WDR72: variants seen among roughly 807,000 people sequenced by gnomAD.
WDR72 encodes WD repeat-containing protein 72.
A neutral mutation model predicts 124.2 loss-of-function variants in WDR72; 120 were observed. That is an observed-to-expected ratio of 0.97 (90% CI 0.83 to 1.12). The LOEUF (loss-of-function observed/expected upper bound fraction) is 1.12. Among genes scored for constraint, WDR72 ranks in the 50% most tolerant of loss-of-function variants. The probability of loss-of-function intolerance (pLI) is 0.00; values close to 1 mark genes in which losing one functional copy is unlikely to be tolerated. For missense variants in WDR72, 1,387 were observed against 1,278.8 expected (o/e 1.08, Z -1.29); for synonymous variants, 452 against 441.7 (o/e 1.02, Z -0.29).
chr15:53,547,555 G>C (rs1016257016), intron 18 of WDR72, among the ~76,000 whole-genome samples: 1 of 152,188 alleles, frequency 6.6e-6, no homozygotes, highest in Non-Finnish European at 1.5e-5. Flanking sequence ...CTCAGTGGTT[G>C]TAAGAGCTAA....
chr15:53,629,836 T>A (rs2014353329), intron 14 of WDR72, among the ~76,000 whole-genome samples: 1 of 152,128 alleles, frequency 6.6e-6, no homozygotes. Context: ...AGCCACTGGA[T>A]CAGGCATATA....
intron 1 of WDR72, among the ~76,000 whole-genome samples, chr15:53,746,602 A>G (rs1185201472): frequency 6.6e-6 from 1 of 152,208 alleles, no homozygotes; most frequent in Non-Finnish European, 1.5e-5. Context: ...TGTGAATCCC[A>G]TCTCTTAAGT....
At chr15:53,594,088 A>G (rs1367599191) in intron 18 of WDR72, among the ~76,000 whole-genome samples, 1 of 152,046 alleles carries the variant, frequency 6.6e-6, no homozygotes, top group Non-Finnish European at 1.5e-5. Context: ...GGTGAGCTAA[A>G]TTTCATAAGA....
chr15:53,664,753 A>G (rs925292636), intron 14 of WDR72, among the ~76,000 whole-genome samples: 1 of 152,176 alleles, frequency 6.6e-6, no homozygotes, highest in Non-Finnish European at 1.5e-5. Context: ...AGTGAAACAT[A>G]AAAACCAAGC....
chr15:53,630,042 T>C (rs962606061), intron 14 of WDR72, among the ~76,000 whole-genome samples: 2 of 151,886 alleles, frequency 1.3e-5, no homozygotes, highest in African/African-American at 4.8e-5. Flanking sequence ...TCATCACTGA[T>C]CTTACAAAAG....
At chr15:53,523,009 C>A (rs933617681) in intron 19 of WDR72, among the ~76,000 whole-genome samples, 1 of 151,940 alleles carries the variant, frequency 6.6e-6, no homozygotes, top group African/African-American at 2.4e-5. Flanking sequence ...AGTCATAAAG[C>A]CTTTGTACTT....
At chr15:53,523,109 C>T in intron 19 of WDR72, 109 bp downstream of exon 19, 1 of 1,004,278 alleles carries the variant, frequency 1.0e-6, no homozygotes, top group South Asian at 1.3e-5. Flanking sequence ...AGTGCAGCTG[C>T]TAAGAGAAAA....
intron 13 of WDR72, among the ~76,000 whole-genome samples, chr15:53,670,058 C>T (rs1419694991): frequency 6.6e-6 from 1 of 152,190 alleles, no homozygotes; most frequent in Non-Finnish European, 1.5e-5. Context: ...AGTTACACTA[C>T]ATCTCCTCCT....
chr15:53,581,756 T>TA (rs1411484784), intron 18 of WDR72, among the ~76,000 whole-genome samples: 7 of 152,064 alleles, frequency 4.6e-5, no homozygotes, highest in Admixed American at 1.3e-4. Flanking sequence ...ACACAGCTCT[T>TA]ACCTCTGGCA....
chr15:53,743,836 G>A lies in WDR72; in HGVS notation c.-12-10675C>T, dbSNP rs532724732. Among the ~76,000 whole-genome samples the A allele has an allele frequency of 1.6e-3, 249 of 152,226 alleles. 2 individuals carry two copies. Among genetic ancestry groups the A allele is most frequent in the African/African-American group, 5.7e-3 (238 of 41,546 alleles). ...TAAAAATACAAAAACTTAGCCGGGCGTGGTGGTGGGCGCCTGTAGTCCCAG... is the reference window on the plus strand; with the variant it reads ...TAAAAATACAAAAACTTAGCCGGGCATGGTGGTGGGCGCCTGTAGTCCCAG... On this transcript the variant is annotated intron_variant, in intron 1 of 19. Coordinates refer to ENST00000360509, the MANE Select transcript of WDR72 (RefSeq NM_182758.4).
chr15:53,640,490 C>A (rs2014806966), intron 14 of WDR72, among the ~76,000 whole-genome samples: 1 of 152,146 alleles, frequency 6.6e-6, no homozygotes, highest in African/African-American at 2.4e-5. Context: ...CCACAGATTA[C>A]AAATGAAAAG....
chr15:53,743,059 A>C (rs2018550137), intron 1 of WDR72, among the ~76,000 whole-genome samples: 1 of 152,208 alleles, frequency 6.6e-6, no homozygotes, highest in African/African-American at 2.4e-5. Flanking sequence ...AATGGGCTTC[A>C]GGAAGCTCAC....
intron 2 of WDR72, among the ~76,000 whole-genome samples, chr15:53,731,767 G>A (rs2018209935): frequency 6.6e-6 from 1 of 151,988 alleles, no homozygotes; most frequent in South Asian, 2.1e-4. Context: ...CCAGCACCAG[G>A]TCTTATCATT....
chr15:53,693,119 A>T (rs1359698836), intron 13 of WDR72, among the ~76,000 whole-genome samples: 1 of 152,198 alleles, frequency 6.6e-6, no homozygotes, highest in Non-Finnish European at 1.5e-5. Flanking sequence ...CTTTGACCTG[A>T]TATCTACAAA....
chr15:53,633,796 A>C (rs1274996026), intron 14 of WDR72, among the ~76,000 whole-genome samples: 1 of 152,208 alleles, frequency 6.6e-6, no homozygotes, highest in African/African-American at 2.4e-5. Context: ...AAAAATACTA[A>C]AACAACATTA....
intron 13 of WDR72, among the ~76,000 whole-genome samples, chr15:53,680,231 T>G (rs74015874): frequency 0.014 from 2,141 of 152,314 alleles, 60 homozygotes; most frequent in African/African-American, 0.049. Flanking sequence ...CCTATTTATA[T>G]CTATACAAGT....
intron 13 of WDR72, among the ~76,000 whole-genome samples, chr15:53,685,286 C>T (rs931030924): frequency 7.2e-6 from 1 of 139,772 alleles, no homozygotes; most frequent in African/African-American, 2.7e-5. Context: ...ACATTCAAAC[C>T]AAAGGCAAAG....
At chr15:53,712,271 T>C (rs972871559) in intron 7 of WDR72, among the ~76,000 whole-genome samples, 1 of 152,176 alleles carries the variant, frequency 6.6e-6, no homozygotes, top group Non-Finnish European at 1.5e-5. Flanking sequence ...TATGTAGTAG[T>C]ATATCCTAAT....
At chr15:53,524,879 G>A (rs1403658577) in intron 18 of WDR72, among the ~76,000 whole-genome samples, 1 of 152,056 alleles carries the variant, frequency 6.6e-6, no homozygotes, top group Non-Finnish European at 1.5e-5. Flanking sequence ...TATTCTTGAA[G>A]GATCTGTGAA....
Sources: gnomAD v4.1 joint callset for allele counts (sites outside exome capture counted in the v4.1 genomes callset) on GRCh38, gnomAD v4.1.1 for gene constraint, MANE v1.5 for transcripts, NCBI Gene and HGNC (gene_info 2026-07-23, HGNC 2026-07-21) for gene names.